BACH2: variants seen among roughly 807,000 people sequenced by gnomAD.
BACH2 encodes transcription regulator protein BACH2.
Under a neutral mutation model 61.8 loss-of-function variants are expected in BACH2, and 5 were observed. The ratio of observed to expected loss-of-function variants is 0.08; its 90% CI spans 0.04 to 0.17. The LOEUF (loss-of-function observed/expected upper bound fraction) is 0.17. Ranked by LOEUF, BACH2 falls within the 10% of genes least tolerant of loss-of-function variation. BACH2 has a pLI of 1.00. For missense variants in BACH2, 824 were observed against 1,091.1 expected, an observed-to-expected ratio of 0.76 and a Z score of 3.45; for synonymous variants, 446 against 440.1, an observed-to-expected ratio of 1.01 and a Z score of -0.17.
rs149586909 is a variant in BACH2 at position 89,950,570 on chromosome 6, G to A, written c.1536C>T (p.Pro512=). Residue 512 remains proline, a synonymous_variant, in exon 7 of 9, where the codon CCC becomes CCT. Coordinates refer to ENST00000257749, the MANE Select transcript of BACH2 (RefSeq NM_021813.4). The surrounding 1 kb of genome is among the most constrained non-coding windows in gnomAD (Gnocchi z 5.3). Reference sequence around the variant, plus strand: ...TGGAAGTCCTGGTCCTGGTCTCCAAGGGGGGTGAGCGAGGGCAGACTTTGA... The same window carrying A: ...TGGAAGTCCTGGTCCTGGTCTCCAAAGGGGGTGAGCGAGGGCAGACTTTGA... ...VPIKVCPRSP[P]LETRTRTSSS... 3 of 1,611,094 alleles carry A rather than the reference G, an allele frequency of 1.9e-6. No individual in the cohort carries two copies. Among genetic ancestry groups the A allele is most frequent in the African/African-American group, 2.7e-5 (2 of 74,860 alleles).
At chr6:89,988,941 G>T (rs1326824971) in intron 6 of BACH2, among the ~76,000 whole-genome samples, 1 of 152,174 alleles carries the variant, frequency 6.6e-6, no homozygotes, top group Non-Finnish European at 1.5e-5. Flanking sequence ...CCTCAGGTCT[G>T]CAACCTTGAT....
intron 6 of BACH2, among the ~76,000 whole-genome samples, chr6:89,990,092 A>T (rs1042312652): frequency 6.6e-6 from 1 of 152,162 alleles, no homozygotes; most frequent in Non-Finnish European, 1.5e-5. Context: ...CTCATATGTC[A>T]CTGTGAATAG....
At chr6:90,192,186 G>C (rs548802375) in intron 4 of BACH2, among the ~76,000 whole-genome samples, 1 of 152,256 alleles carries the variant, frequency 6.6e-6, no homozygotes, top group South Asian at 2.1e-4. Flanking sequence ...TACCTACTGA[G>C]TTTTCAGACT....
chr6:90,261,910 T>C (rs80243705), intron 2 of BACH2, among the ~76,000 whole-genome samples: 2 of 152,154 alleles, frequency 1.3e-5, no homozygotes, highest in East Asian at 1.9e-4. Context: ...ATCATCTCCT[T>C]ATCTCCCCAC....
At chr6:90,138,412 A>G (rs1402889705) in intron 4 of BACH2, among the ~76,000 whole-genome samples, 2 of 152,204 alleles carry the variant, frequency 1.3e-5, no homozygotes, top group Admixed American at 6.5e-5. Flanking sequence ...CTGAGGCAGA[A>G]GAATCGCCTG....
At position 90,008,537 on chromosome 6, in the gene BACH2, A is replaced by G; in HGVS notation, c.243+65T>C. 6.3e-7 allele frequency: 1 copy of G among 1,593,182 alleles called. No homozygotes were observed. The highest frequency in any genetic ancestry group is 8.6e-7 in the Non-Finnish European group (1 of 1,168,478). On this transcript the variant is annotated intron_variant, in intron 6 of 8. Transcript: ENST00000257749. This position sits in a 1 kb window ranked among gnomAD's most constrained non-coding sequence, Gnocchi z 4.1. The stretch of plus-strand genomic sequence containing the variant: ...GCACCTAGTACATCTTCTAGCTCCT[A>G]GTCAGCCAGTTTTCTGTAAGTCAAT...
intron 4 of BACH2, among the ~76,000 whole-genome samples, chr6:90,158,391 A>G (rs572163647): frequency 6.6e-6 from 1 of 152,180 alleles, no homozygotes; most frequent in African/African-American, 2.4e-5. Flanking sequence ...ACTTCTAGCC[A>G]TTTCACTTAC....
At chr6:90,252,489 T>C (rs1290127976) in intron 3 of BACH2, 24 bp downstream of exon 3, 1 of 152,222 alleles carries the variant, frequency 6.6e-6, no homozygotes, top group African/African-American at 2.4e-5. Flanking sequence ...TTTTTTAGTC[T>C]CTTTCCTTAA....
At chr6:90,231,615 T>C (rs1770097897) in intron 3 of BACH2, among the ~76,000 whole-genome samples, 1 of 152,222 alleles carries the variant, frequency 6.6e-6, no homozygotes, top group African/African-American at 2.4e-5. Flanking sequence ...CTGCAAATTC[T>C]CATTTTTAGT....
intron 7 of BACH2, among the ~76,000 whole-genome samples, chr6:89,938,852 C>G (rs1773195653): frequency 6.6e-6 from 1 of 152,138 alleles, no homozygotes. Context: ...GAGGAGATAA[C>G]TTGGATAGGC....
At chr6:90,194,940 G>A (rs1037101961) in intron 4 of BACH2, among the ~76,000 whole-genome samples, 13 of 152,134 alleles carry the variant, frequency 8.5e-5, no homozygotes, top group African/African-American at 3.1e-4. Flanking sequence ...AAAGAAAAAG[G>A]AAAAATAAAT....
chr6:90,197,791 G>A lies in BACH2; in HGVS notation c.-162+8778C>T, dbSNP rs556622895. 1.6e-4 allele frequency among the ~76,000 whole-genome samples: 24 copies of A among 152,292 alleles called. No individual in the cohort carries two copies. In the East Asian group the frequency reaches 4.1e-3, roughly 26 times the overall value. On this transcript the variant is annotated intron_variant, in intron 4 of 8. Transcript: ENST00000257749. ...AGGGCAGTCCATTGGTTTGGGGCAGGGGACGCAGAGAAGCAAAGCCTGTTT... is the reference window on the plus strand; with the variant it reads ...AGGGCAGTCCATTGGTTTGGGGCAGAGGACGCAGAGAAGCAAAGCCTGTTT...
chr6:90,210,573 TG>T lies in BACH2; in HGVS notation c.-274-3893del, dbSNP rs531029813. Among the ~76,000 whole-genome samples, 9 of 152,336 alleles carry T rather than the reference TG, an allele frequency of 5.9e-5. No individual in the cohort carries two copies. In the South Asian group the frequency reaches 1.9e-3, roughly 32 times the overall value. On this transcript the variant is annotated intron_variant, in intron 3 of 8. Coordinates refer to ENST00000257749, the MANE Select transcript of BACH2 (RefSeq NM_021813.4). Reference sequence around the variant, plus strand: ...AAATCTACAGCTTAAAAAAGGAGACTGCATCTTAAATATAAAGCATTAGGGA... The same window carrying T: ...AAATCTACAGCTTAAAAAAGGAGACTCATCTTAAATATAAAGCATTAGGGA...
chr6:90,048,019 T>C (rs559644238), intron 5 of BACH2, among the ~76,000 whole-genome samples: 55 of 152,220 alleles, frequency 3.6e-4, no homozygotes, highest in Non-Finnish European at 6.8e-4. Context: ...TTCCATTCTA[T>C]TGCTGACTTG....
rs191935914 is a variant in BACH2 at position 90,180,178 on chromosome 6, T to C, written c.-162+26391A>G. On this transcript the variant is annotated intron_variant, in intron 4 of 8. Coordinates refer to ENST00000257749, the MANE Select transcript of BACH2 (RefSeq NM_021813.4). ...AAACAATATATGAAAAATAAAAATT[T>C]AACTTTTTAAAATATTGATGTTACT... Among the ~76,000 whole-genome samples, 106 of 152,214 alleles carry C rather than the reference T, an allele frequency of 7.0e-4. No individual in the cohort carries two copies. In the East Asian group the frequency reaches 0.015, roughly 22 times the overall value.
At chr6:90,040,507 CT>C (rs1779480738) in intron 5 of BACH2, among the ~76,000 whole-genome samples, 2 of 151,194 alleles carry the variant, frequency 1.3e-5, no homozygotes, top group Non-Finnish European at 1.5e-5. Context: ...TCTTTTTATT[CT>C]TGGCTATTTT....
At chr6:90,272,719 AT>A (rs1771564688) in intron 1 of BACH2, among the ~76,000 whole-genome samples, 1 of 152,114 alleles carries the variant, frequency 6.6e-6, no homozygotes, top group African/African-American at 2.4e-5. Flanking sequence ...AGGCCTCTTG[AT>A]TTGTTACATC....
At chr6:89,948,500 GC>G (rs1212159144) in intron 7 of BACH2, among the ~76,000 whole-genome samples, 1 of 152,126 alleles carries the variant, frequency 6.6e-6, no homozygotes, top group Non-Finnish European at 1.5e-5. Context: ...GAGCCACCAT[GC>G]CCGGCCCCAG....
chr6:90,170,452 C>T (rs1431481952), intron 4 of BACH2, among the ~76,000 whole-genome samples: 2 of 152,126 alleles, frequency 1.3e-5, no homozygotes, highest in Middle Eastern at 3.2e-3. Context: ...ATCACTGATA[C>T]ATCTTGTCTC....
Sources: gnomAD v4.1 joint callset for allele counts (sites outside exome capture counted in the v4.1 genomes callset) on GRCh38, gnomAD v4.1.1 for gene constraint, Gnocchi (gnomAD v3.1) non-coding constraint, MANE v1.5 for transcripts, NCBI Gene and HGNC (gene_info 2026-07-23, HGNC 2026-07-21) for gene names.